Variants in INPP5F observed in about 807,000 individuals in gnomAD.
The protein encoded by INPP5F is phosphatidylinositide 4-phosphatase SAC2.
INPP5F carries 97 observed loss-of-function variants against 137.2 expected under a neutral mutation model. That is an observed-to-expected ratio of 0.71 (90% CI 0.60 to 0.84). The LOEUF (loss-of-function observed/expected upper bound fraction) is 0.84. INPP5F is among the 40% of genes least tolerant of loss of function. The probability of loss-of-function intolerance (pLI) is 0.00; values close to 1 mark genes in which losing one functional copy is unlikely to be tolerated. For synonymous variants in INPP5F, 504 were observed against 476.9 expected (o/e 1.06, Z -0.74); for missense variants, 1,271 against 1,371.9 (o/e 0.93, Z 1.16).
At chr10:119,731,048 A>C (rs1402019571) in intron 1 of INPP5F, among the ~76,000 whole-genome samples, 1 of 152,048 alleles carries the variant, frequency 6.6e-6, no homozygotes, top group Non-Finnish European at 1.5e-5. Flanking sequence ...CTGCCTCCCA[A>C]AGTGCTGGGA....
intron 2 of INPP5F, among the ~76,000 whole-genome samples, chr10:119,755,301 C>T (rs75010502): frequency 5.4e-4 from 82 of 152,262 alleles, no homozygotes; most frequent in Middle Eastern, 6.8e-3. Flanking sequence ...TGGTTCCTCC[C>T]GAAGCCTCTG....
chr10:119,730,002 A>AT (rs1848010142), intron 1 of INPP5F, among the ~76,000 whole-genome samples: 2 of 151,526 alleles, frequency 1.3e-5, no homozygotes, highest in African/African-American at 2.4e-5. Context: ...GGTGTTTCTA[A>AT]TTTTTTTAAG....
At position 119,726,261 on chromosome 10, in the gene INPP5F, G is replaced by T; in HGVS notation, c.-2G>T. The T allele has an allele frequency of 1.4e-6, 2 of 1,472,980 alleles. No individual in the cohort carries two copies. The highest frequency in any genetic ancestry group is 1.5e-5 in the African/African-American group (1 of 68,194). 91.2% of individuals were successfully genotyped at this position (1,472,980 alleles called of 1,614,324 possible). On this transcript the variant is annotated 5_prime_UTR_variant, in exon 1 of 20. Coordinates refer to ENST00000650623, the MANE Select transcript of INPP5F (RefSeq NM_014937.4). ...CCGCCTCCCTGGGCGCGCGGGGCCA[G>T]CATGGAGCTCTTCCAAGCCAAGGAC... is the stretch of plus-strand genomic sequence containing the variant.
At chr10:119,805,510 AT>A in intron 11 of INPP5F, 49 bp downstream of exon 11, 2 of 1,242,046 alleles carry the variant, frequency 1.6e-6, no homozygotes, top group Non-Finnish European at 2.4e-6. Flanking sequence ...GATCTGTAAA[AT>A]AGTACCACTG....
intron 2 of INPP5F, among the ~76,000 whole-genome samples, chr10:119,753,372 T>G (rs568721559): frequency 6.6e-6 from 1 of 152,390 alleles, no homozygotes; most frequent in South Asian, 2.1e-4. Context: ...TCTCTTGTTA[T>G]GTAACAAGCC....
In INPP5F at chr10:119,826,706, T is replaced by G; in HGVS notation, c.2325T>G (p.Asn775Lys). 3 of 1,612,712 alleles carry G rather than the reference T, an allele frequency of 1.9e-6. No homozygotes were observed. The highest frequency in any genetic ancestry group is 2.5e-6 in the Non-Finnish European group (3 of 1,179,602). ...QNQGSLAQGK[N>K]FLMSKFSSLN... ...AAGGTTCTTTGGCCCAGGGAAAGAA[T>G]TTTTTAATGAGCAAATTTTCATCTC... Residue 775 changes from asparagine to lysine, a missense_variant, in exon 20 of 20, where the codon AAT becomes AAG. Around this residue, in one of 6 missense-constraint regions of INPP5F, gnomAD observed 490 missense variants for 443.7 expected, o/e 1.10. Transcript: ENST00000650623.
chr10:119,760,538 C>T (rs1417247517), intron 2 of INPP5F, among the ~76,000 whole-genome samples: 1 of 152,170 alleles, frequency 6.6e-6, no homozygotes, highest in Non-Finnish European at 1.5e-5. Flanking sequence ...TATTTATTTC[C>T]TCCTTTGTAT....
intron 1 of INPP5F, among the ~76,000 whole-genome samples, chr10:119,727,380 T>C (rs1426358731): frequency 3.3e-5 from 5 of 152,228 alleles, no homozygotes; most frequent in South Asian, 2.1e-4. Context: ...GTATCACTTA[T>C]AGGATGGTTT....
chr10:119,792,136 T>C lies in INPP5F; in HGVS notation c.613-21T>C, dbSNP rs201592969. 176 of 1,614,166 alleles carry C rather than the reference T, an allele frequency of 1.1e-4. 1 individual carries two copies. The African/African-American group carries it at 1.2e-3, about 11-fold the overall frequency. On this transcript the variant is annotated intron_variant, in intron 5 of 19. Coordinates refer to ENST00000650623, the MANE Select transcript of INPP5F (RefSeq NM_014937.4). The stretch of plus-strand genomic sequence containing the variant: ...ACTGAAATAATGTGTTTCTGAACTA[T>C]TGTTCCTGCACCTTTTCTAGGTTGA...
chr10:119,728,121 C>CT (rs1589653966), intron 1 of INPP5F, among the ~76,000 whole-genome samples: 1 of 152,268 alleles, frequency 6.6e-6, no homozygotes, highest in East Asian at 1.9e-4. Context: ...AAATTTAAAA[C>CT]TTTTTTGGGG....
At chr10:119,805,325 T>C in intron 10 of INPP5F, 59 bp from the exon 11 acceptor site, 1 of 1,385,560 alleles carries the variant, frequency 7.2e-7, no homozygotes, top group Non-Finnish European at 1.0e-6. Context: ...ATATCTTAAG[T>C]TTTAAAAAAA....
Position 119,726,120 on chromosome 10 carries a change from C to T in INPP5F, c.-143C>T. ...GTTCTCCTCCTACCGGTCGGGTGCCCCGGGGCGTTCCCTCTGCCGCTGCTT... is the reference window on the plus strand; with the variant it reads ...GTTCTCCTCCTACCGGTCGGGTGCCTCGGGGCGTTCCCTCTGCCGCTGCTT... On this transcript the variant is annotated 5_prime_UTR_variant, in exon 1 of 20. Transcript: ENST00000650623. 1 of 428,748 alleles carries T rather than the reference C, an allele frequency of 2.3e-6. No individual in the cohort carries two copies. Among genetic ancestry groups the T allele is most frequent in the South Asian group, 5.8e-5 (1 of 17,164 alleles). 26.6% of individuals were successfully genotyped at this position (428,748 alleles called of 1,614,324 possible).
At chr10:119,753,716 C>T (rs1465591596) in intron 2 of INPP5F, among the ~76,000 whole-genome samples, 1 of 152,190 alleles carries the variant, frequency 6.6e-6, no homozygotes, top group Non-Finnish European at 1.5e-5. Flanking sequence ...AAACTGGTCT[C>T]TTCATTTCCA....
chr10:119,744,614 C>G (rs1217858784), intron 1 of INPP5F, among the ~76,000 whole-genome samples: 1 of 152,002 alleles, frequency 6.6e-6, no homozygotes, highest in Non-Finnish European at 1.5e-5. Context: ...TGCAGTGGCA[C>G]CATCAGAGCT....
rs12783225 is a variant in INPP5F, at chr10:119,748,881, A to G, written c.98-2195A>G. Among the ~76,000 whole-genome samples the G allele has an allele frequency of 0.042, 6,345 of 152,260 alleles. 239 individuals carry two copies. Among genetic ancestry groups the G allele is most frequent in the South Asian group, 0.22 (1,044 of 4,820 alleles). ...ACCTGTGATCTGCCCCTTTCTGGAC[A>G]GGAACCTGTGTCTGTCTCCCTCCAC... On this transcript the variant is annotated intron_variant, in intron 1 of 19. Transcript: ENST00000650623. This position sits in a 1 kb window ranked among gnomAD's most constrained non-coding sequence, Gnocchi z 4.7.
At chr10:119,793,386 A>G (rs976779134) in intron 6 of INPP5F, among the ~76,000 whole-genome samples, 2 of 149,612 alleles carry the variant, frequency 1.3e-5, no homozygotes, top group African/African-American at 5.0e-5. Context: ...TCCTATCTGC[A>G]GGCTGCATAA....
chr10:119,826,800 A>C lies in INPP5F; in HGVS notation c.2419A>C (p.Thr807Pro). ...IGNLRKLGNF[T>P]KPEMKVNFLK... is the part of the protein sequence containing the mutation. Reference sequence around the variant, plus strand: ...CAACCTCCGAAAGCTAGGAAACTTTACCAAACCTGAAATGAAAGTTAACTT... The same window carrying C: ...CAACCTCCGAAAGCTAGGAAACTTTCCCAAACCTGAAATGAAAGTTAACTT... Residue 807 changes from threonine (T) to proline (P), a missense_variant, in exon 20 of 20, where the codon ACC (threonine) becomes CCC (proline). By Grantham distance (38) the Thr-to-Pro change is conservative. Coordinates refer to ENST00000650623, the MANE Select transcript of INPP5F (RefSeq NM_014937.4). The C allele has an allele frequency of 3.1e-6, 5 of 1,613,786 alleles. No homozygotes were observed. The highest frequency in any genetic ancestry group is 4.2e-6 in the Non-Finnish European group (5 of 1,179,936).
intron 3 of INPP5F, among the ~76,000 whole-genome samples, chr10:119,790,562 C>T (rs1168589508): frequency 1.3e-5 from 2 of 152,210 alleles, no homozygotes; most frequent in Non-Finnish European, 2.9e-5. Context: ...TTCTCTCTCT[C>T]TCAATCAAAG....
chr10:119,732,328 C>T (rs1028693590), intron 1 of INPP5F, among the ~76,000 whole-genome samples: 18 of 151,744 alleles, frequency 1.2e-4, no homozygotes, highest in South Asian at 4.2e-4. Flanking sequence ...TGAGCCACCA[C>T]GCCTGGTAGG....
Sources: allele counts gnomAD v4.1 joint callset (sites outside exome capture counted in the v4.1 genomes callset), GRCh38; gene constraint gnomAD v4.1.1; regional missense constraint gnomAD v4.1.1; non-coding constraint Gnocchi (gnomAD v3.1); transcripts MANE v1.5; gene names NCBI Gene and HGNC (gene_info 2026-07-23, HGNC 2026-07-21).